The following CIBAR1 variants were observed in gnomAD, a reference collection of about 807,000 sequenced individuals.
The protein encoded by CIBAR1 is CBY1 interacting BAR domain containing 1.
A neutral mutation model predicts 44.0 loss-of-function variants in CIBAR1; 25 were observed. The ratio of observed to expected loss-of-function variants is 0.57; its 90% confidence interval spans 0.41 to 0.79. The LOEUF is 0.79. Among genes scored for constraint, CIBAR1 ranks in the 30% least tolerant of loss-of-function variants. The probability of loss-of-function intolerance (pLI) is 0.00; values close to 1 mark genes in which losing one functional copy is unlikely to be tolerated. For missense variants in CIBAR1, 278 were observed against 344.8 expected (o/e 0.81, Z 1.53); for synonymous variants, 115 against 119.0 (o/e 0.97, Z 0.22).
chr8:93,703,190 C>T (rs1323282565), intron 2 of CIBAR1, among the ~76,000 whole-genome samples: 1 of 151,706 alleles, frequency 6.6e-6, no homozygotes, highest in East Asian at 1.9e-4. Context: ...TTTTGCTTTT[C>T]AAGGTTATGT....
intron 7 of CIBAR1, among the ~76,000 whole-genome samples, chr8:93,723,208 G>T (rs1375835611): frequency 1.3e-5 from 2 of 152,194 alleles, no homozygotes; most frequent in Admixed American, 1.3e-4. Flanking sequence ...ATGTTAGCCA[G>T]GATGGTCTCG....
chr8:93,724,413 C>CCT (rs1811393370), intron 7 of CIBAR1: 6 of 415,872 alleles, frequency 1.4e-5, no homozygotes, highest in Non-Finnish European at 2.9e-5. Context: ...GCAGCCTTGA[C>CCT]CTCTGAGCTT....
intron 4 of CIBAR1, among the ~76,000 whole-genome samples, chr8:93,706,525 C>T (rs942220418): frequency 6.6e-6 from 1 of 152,064 alleles, no homozygotes; most frequent in Admixed American, 6.6e-5. Context: ...ATGAAGACAT[C>T]TGGAATCCTG....
chr8:93,726,643 A>G (rs1388703092), intron 8 of CIBAR1, 130 bp downstream of exon 8: 15 of 1,042,588 alleles, frequency 1.4e-5, no homozygotes, highest in South Asian at 1.3e-4. Context: ...CTTCTCTTCT[A>G]TAAAATGACA....
chr8:93,712,238 C>G (rs1399676795), intron 6 of CIBAR1, among the ~76,000 whole-genome samples: 5 of 152,214 alleles, frequency 3.3e-5, no homozygotes, highest in Non-Finnish European at 7.3e-5. Context: ...GCCTCCCAAC[C>G]CTAAGCAGCC....
At chr8:93,701,139 C>G (rs915742750) in intron 1 of CIBAR1, 85 bp from the exon 2 acceptor site, 6 of 1,524,138 alleles carry the variant, frequency 3.9e-6, no homozygotes, top group Admixed American at 2.0e-5. Context: ...GCAGAATGCC[C>G]GGGGAATGTT....
At chr8:93,718,268 G>A (rs777206627) in intron 6 of CIBAR1, among the ~76,000 whole-genome samples, 5 of 152,134 alleles carry the variant, frequency 3.3e-5, no homozygotes, top group African/African-American at 4.8e-5. Flanking sequence ...TTTAAAAAAC[G>A]TTCTCCTGTT....
Position 93,731,350 on chromosome 8 carries a change from G to A in CIBAR1, c.*3053G>A, listed in dbSNP as rs1306000340. On this transcript the variant is annotated 3_prime_UTR_variant, in exon 9 of 9. Coordinates refer to ENST00000518322, the MANE Select transcript of CIBAR1 (RefSeq NM_145269.5). ...TTTCCATATATTATTCAAAATGGGT[G>A]ACCAAATGAACCATCTATACAATCT... The A allele has an allele frequency of 6.6e-6, 1 of 152,092 alleles. No individual in the cohort carries two copies. Among genetic ancestry groups the A allele is most frequent in the Non-Finnish European group, 1.5e-5 (1 of 68,022 alleles). 9.4% of individuals were successfully genotyped at this position (152,092 alleles called of 1,614,324 possible). A position where few individuals can be genotyped will look rare whatever the true frequency, so the allele number is the denominator to read the frequency against.
Position 93,718,766 on chromosome 8 carries a change from T to G in CIBAR1, c.635T>G (p.Ile212Ser), listed in dbSNP as rs1269123027. Residue 212 changes from isoleucine to serine, a missense_variant, in exon 7 of 9, where the codon ATT becomes AGT. By Grantham distance (142) the Ile-to-Ser change is moderately radical. Coordinates refer to ENST00000518322, the MANE Select transcript of CIBAR1 (RefSeq NM_145269.5). ...GCTGCCTACCAGAATATACAAAACA[T>G]TGATGAAGATGAAGATTTAGAGGTA... ...YTAAYQNIQN[I>S]DEDEDLEVFR... 6.4e-7 allele frequency: 1 copy of G among 1,556,696 alleles called. No individual in the cohort carries two copies. Among genetic ancestry groups the G allele is most frequent in the Non-Finnish European group, 8.7e-7 (1 of 1,147,284 alleles).
intron 5 of CIBAR1, 21 bp downstream of exon 5, chr8:93,708,037 T>C: frequency 1.3e-6 from 2 of 1,555,682 alleles, no homozygotes; most frequent in East Asian, 4.5e-5. Flanking sequence ...AAGTGGTGTG[T>C]CAAGAAATGG....
chr8:93,718,423 G>C (rs1360720143), intron 6 of CIBAR1, among the ~76,000 whole-genome samples: 1 of 152,128 alleles, frequency 6.6e-6, no homozygotes, highest in East Asian at 1.9e-4. Context: ...TAGGTATAAA[G>C]AGAACTAACT....
intron 4 of CIBAR1, among the ~76,000 whole-genome samples, 196 bp from the exon 5 acceptor site, chr8:93,707,815 A>G (rs1810658832): frequency 6.6e-6 from 1 of 152,200 alleles, no homozygotes; most frequent in African/African-American, 2.4e-5. Context: ...ATAAATGAAT[A>G]TAATTTTAAG....
chr8:93,713,511 ATC>A (rs1481873557), intron 6 of CIBAR1, among the ~76,000 whole-genome samples: 1 of 152,162 alleles, frequency 6.6e-6, no homozygotes, highest in African/African-American at 2.4e-5. Context: ...AATCCAATTT[ATC>A]TCTCTTTTCT....
chr8:93,700,564 T>C lies in CIBAR1; in HGVS notation c.-84T>C. 7.2e-7 allele frequency: 1 copy of C among 1,381,306 alleles called. No individual in the cohort carries two copies. 85.6% of individuals were successfully genotyped at this position (1,381,306 alleles called of 1,614,324 possible). On this transcript the variant is annotated 5_prime_UTR_variant, in exon 1 of 9. Transcript: ENST00000518322. ...GGCGGGCTTTCAGGCTCCCGGCGGCTGCTTGCGCCCCAGCGCGCGCCCAGG... is the reference window on the plus strand; with the variant it reads ...GGCGGGCTTTCAGGCTCCCGGCGGCCGCTTGCGCCCCAGCGCGCGCCCAGG...
Position 93,709,767 on chromosome 8 carries a change from G to C in CIBAR1, c.439-4G>C. 1 of 1,611,948 alleles carries C rather than the reference G, an allele frequency of 6.2e-7. No homozygotes were observed. Among genetic ancestry groups the C allele is most frequent in the Non-Finnish European group, 8.5e-7 (1 of 1,178,730 alleles). On this transcript the variant is annotated splice_region_variant and splice_polypyrimidine_tract_variant and intron_variant, in intron 5 of 8. Transcript: ENST00000518322. ...ATATCCTTGGTTGGGGAATACTTTT[G>C]TAGGCAGAAACGGAATTACAGAGAG...
At chr8:93,701,665 A>G in intron 2 of CIBAR1, 2 of 564,724 alleles carry the variant, frequency 3.5e-6, no homozygotes, top group Non-Finnish European at 6.2e-6. Context: ...CCTTTAGGGC[A>G]TCTTGAGGTC....
At chr8:93,713,751 T>C (rs574141017) in intron 6 of CIBAR1, among the ~76,000 whole-genome samples, 35 of 152,352 alleles carry the variant, frequency 2.3e-4, no homozygotes, top group Non-Finnish European at 4.0e-4. Flanking sequence ...CTTTCCTCAA[T>C]TGAATGGTCT....
chr8:93,727,254 A>G, intron 8 of CIBAR1: 1 of 1,157,412 alleles, frequency 8.6e-7, no homozygotes, highest in Non-Finnish European at 1.1e-6. Flanking sequence ...GGTAAATTTG[A>G]TACCATACTT....
chr8:93,721,110 G>A (rs1319505087), intron 7 of CIBAR1: 1 of 152,194 alleles, frequency 6.6e-6, no homozygotes. Flanking sequence ...AGAGCTGGAA[G>A]TCTGATCCGG....
Sources: gnomAD v4.1 joint callset for allele counts (sites outside exome capture counted in the v4.1 genomes callset) on GRCh38, gnomAD v4.1.1 for gene constraint, MANE v1.5 for transcripts, NCBI Gene and HGNC (gene_info 2026-07-23, HGNC 2026-07-21) for gene names.